Variants in EFR3B observed in about 807,000 individuals in gnomAD.
The protein encoded by EFR3B is EFR3 homolog B, also known as protein EFR3 homolog B.
EFR3B carries 64 observed loss-of-function variants against 104.7 expected under a neutral mutation model. The ratio of observed to expected loss-of-function variants is 0.61; its 90% CI spans 0.50 to 0.75. EFR3B has a LOEUF of 0.75. EFR3B is among the 30% of genes least tolerant of loss of function. The pLI is 0.00. For missense variants in EFR3B, 750 were observed against 1,078.5 expected (o/e 0.70, Z 4.27); for synonymous variants, 385 against 417.9 (o/e 0.92, Z 0.96).
At chr2:25,107,229 C>T (rs1425118362) in intron 4 of EFR3B, among the ~76,000 whole-genome samples, 5 of 152,126 alleles carry the variant, frequency 3.3e-5, no homozygotes, top group Admixed American at 2.6e-4. Flanking sequence ...GCAGATAGCC[C>T]CCAAGACCAG....
chr2:25,048,381 A>G (rs1667778340), intron 1 of EFR3B, among the ~76,000 whole-genome samples: 1 of 152,190 alleles, frequency 6.6e-6, no homozygotes, highest in African/African-American at 2.4e-5. Context: ...CCCACAAGTT[A>G]GTAAACTCCT....
intron 4 of EFR3B, among the ~76,000 whole-genome samples, chr2:25,110,678 TTAA>T (rs1669700637): frequency 6.6e-6 from 1 of 152,124 alleles, no homozygotes; most frequent in South Asian, 2.1e-4. Context: ...ATAAATTAAA[TTAA>T]TAAACAAGAG....
At position 25,042,272 on chromosome 2, in the gene EFR3B, G is replaced by T; in HGVS notation, c.-41G>T. On this transcript the variant is annotated 5_prime_UTR_variant, in exon 1 of 23. Coordinates refer to ENST00000403714, the MANE Select transcript of EFR3B (RefSeq NM_014971.2). This position sits in a 1 kb window ranked among gnomAD's most constrained non-coding sequence, Gnocchi z 5.4. ...CCGCCGAGGGCTGGCTGGGAACGCC[G>T]CAGCGACGCCGGCCTCTCGAGAGGC... The T allele has an allele frequency of 7.6e-7, 1 of 1,311,504 alleles. No homozygotes were observed. The highest frequency in any genetic ancestry group is 9.7e-7 in the Non-Finnish European group (1 of 1,030,398). The allele number at this position is 1,311,504 out of a possible 1,614,324, so 81.2% of individuals were successfully genotyped here. A position where few individuals can be genotyped will look rare whatever the true frequency, so the allele number is the denominator to read the frequency against.
rs765674736 is a variant in EFR3B, at chr2:25,065,790, G to A, written c.7+23471G>A. On this transcript the variant is annotated intron_variant, in intron 1 of 22. Transcript: ENST00000403714. ...GTCCTTGTCTCCTTTTGTGATGATG[G>A]CCTCTGCTCTGGGCTGTTCCCAGCC... is the stretch of plus-strand genomic sequence containing the variant. 6.6e-5 allele frequency among the ~76,000 whole-genome samples: 10 copies of A among 152,270 alleles called. No individual in the cohort carries two copies. In the South Asian group the frequency reaches 1.9e-3, roughly 28 times the overall value.
intron 12 of EFR3B, among the ~76,000 whole-genome samples, chr2:25,135,028 G>A (rs1046043484): frequency 3.3e-5 from 5 of 152,154 alleles, no homozygotes; most frequent in East Asian, 1.9e-4. Context: ...GGTGGTTGCC[G>A]TGTGTGTGAG....
intron 17 of EFR3B, among the ~76,000 whole-genome samples, chr2:25,141,970 A>G (rs1187453966): frequency 6.6e-6 from 1 of 152,206 alleles, no homozygotes; most frequent in Admixed American, 6.5e-5. Flanking sequence ...ATCACAGAAC[A>G]GCGGGTGGGG....
chr2:25,053,747 A>G (rs1667945320), intron 1 of EFR3B, among the ~76,000 whole-genome samples: 1 of 152,154 alleles, frequency 6.6e-6, no homozygotes, highest in Non-Finnish European at 1.5e-5. Context: ...TCTCTACTAA[A>G]AATACAAAAA....
chr2:25,061,148 C>G (rs1045394206), intron 1 of EFR3B, among the ~76,000 whole-genome samples: 62 of 145,714 alleles, frequency 4.3e-4, no homozygotes, highest in Non-Finnish European at 7.4e-4. Context: ...TTTTTTGAAA[C>G]AGTCTCACTT....
At chr2:25,141,907 T>C (rs1165111466) in intron 17 of EFR3B, among the ~76,000 whole-genome samples, 1 of 152,234 alleles carries the variant, frequency 6.6e-6, no homozygotes, top group Non-Finnish European at 1.5e-5. Context: ...GACAATGTTT[T>C]AGAAGAATAT....
chr2:25,157,368 A>T lies in EFR3B; in HGVS notation c.*3028A>T. 6.6e-6 allele frequency: 1 copy of T among 152,362 alleles called. No homozygotes were observed. The allele number at this position is 152,362 out of a possible 1,614,324, so 9.4% of individuals were successfully genotyped here. On this transcript the variant is annotated 3_prime_UTR_variant, in exon 23 of 23. Coordinates refer to ENST00000403714, the MANE Select transcript of EFR3B (RefSeq NM_014971.2). Reference sequence around the variant, plus strand: ...GTAGGTAATCTCCTCACCCCAGCACAGGCCCTGGGAGAGAGGCAAAGCAGT... The same window carrying T: ...GTAGGTAATCTCCTCACCCCAGCACTGGCCCTGGGAGAGAGGCAAAGCAGT...
At chr2:25,064,192 C>T (rs998401539) in intron 1 of EFR3B, among the ~76,000 whole-genome samples, 1 of 152,228 alleles carries the variant, frequency 6.6e-6, no homozygotes, top group Non-Finnish European at 1.5e-5. Flanking sequence ...CTGGGCATGG[C>T]GCCTGTCTTG....
chr2:25,091,310 C>A lies in EFR3B; in HGVS notation c.8-15C>A. On this transcript the variant is annotated splice_polypyrimidine_tract_variant and intron_variant, in intron 1 of 22. Coordinates refer to ENST00000403714, the MANE Select transcript of EFR3B (RefSeq NM_014971.2). ...CAGGAGGCTTTGCTCACAGTTTTTCCCATTCTTATTCCAGGTGTGTGTGGC... is the reference window on the plus strand; with the variant it reads ...CAGGAGGCTTTGCTCACAGTTTTTCACATTCTTATTCCAGGTGTGTGTGGC... 6.5e-7 allele frequency: 1 copy of A among 1,549,092 alleles called. No individual in the cohort carries two copies. The highest frequency in any genetic ancestry group is 1.2e-5 in the South Asian group (1 of 83,720).
chr2:25,055,969 C>T lies in EFR3B; in HGVS notation c.7+13650C>T, dbSNP rs1158833227. The stretch of plus-strand genomic sequence containing the variant: ...CAGCTTTGTTTTTCTAGCATCTAAC[C>T]GGGAACTTTGGTATGTAGTAGTAAG... On this transcript the variant is annotated intron_variant, in intron 1 of 22. Coordinates refer to ENST00000403714, the MANE Select transcript of EFR3B (RefSeq NM_014971.2). Among the ~76,000 whole-genome samples the T allele has an allele frequency of 3.9e-5, 6 of 152,142 alleles. No homozygotes were observed. The South Asian group carries it at 6.2e-4, about 16-fold the overall frequency.
intron 12 of EFR3B, among the ~76,000 whole-genome samples, chr2:25,135,120 C>G (rs775820348): frequency 1.7e-3 from 266 of 152,274 alleles, no homozygotes; most frequent in Non-Finnish European, 2.8e-3. Flanking sequence ...GCATTGTGTT[C>G]CTGGTGGCTG....
At chr2:25,094,155 T>C (rs954293603) in intron 3 of EFR3B, among the ~76,000 whole-genome samples, 1 of 151,528 alleles carries the variant, frequency 6.6e-6, no homozygotes, top group Non-Finnish European at 1.5e-5. Flanking sequence ...CGTGGTGGTA[T>C]GCACCTGTAG....
Position 25,057,777 on chromosome 2 carries a change from C to G in EFR3B, c.7+15458C>G, listed in dbSNP as rs919391614. On this transcript the variant is annotated intron_variant, in intron 1 of 22. Coordinates refer to ENST00000403714, the MANE Select transcript of EFR3B (RefSeq NM_014971.2). ...TCCATCCTGAGCAACAAGAGCAAAA[C>G]TCCGTCAAAAAAAAAAAAAAAGACC... 2.7e-3 allele frequency among the ~76,000 whole-genome samples: 219 copies of G among 82,096 alleles called. 1 individual carries two copies. The highest frequency in any genetic ancestry group is 9.8e-3 in the African/African-American group (187 of 18,994). The allele number at this position is 82,096 out of a possible 152,430, so 53.9% of individuals were successfully genotyped here.
rs570544127 is a variant in EFR3B at position 25,067,050 on chromosome 2, G to T, written c.8-24275G>T. ...GTAATACTTCTGCAATGATGTCAGT[G>T]CTCTGTGTCTCCACTGTCCAGTGTG... On this transcript the variant is annotated intron_variant, in intron 1 of 22. Coordinates refer to ENST00000403714, the MANE Select transcript of EFR3B (RefSeq NM_014971.2). 2.6e-5 allele frequency among the ~76,000 whole-genome samples: 4 copies of T among 152,296 alleles called. No homozygotes were observed. The South Asian group carries it at 8.3e-4, about 32-fold the overall frequency.
intron 1 of EFR3B, among the ~76,000 whole-genome samples, chr2:25,066,893 T>C (rs1668350773): frequency 6.6e-6 from 1 of 152,242 alleles, no homozygotes; most frequent in Admixed American, 6.5e-5. Flanking sequence ...TACATGTGTG[T>C]GCGTGTGTGC....
In EFR3B at chr2:25,131,964, AG is replaced by A; in HGVS notation, c.1147+57del. Reference sequence around the variant, plus strand: ...GGCGGGGCCGAGGCGCGGAGTGGGGAGGGGAGGGGAGGGACGGGACGGGGCC... The same window carrying A: ...GGCGGGGCCGAGGCGCGGAGTGGGGAGGGAGGGGAGGGACGGGACGGGGCC... On this transcript the variant is annotated intron_variant, in intron 10 of 22. Coordinates refer to ENST00000403714, the MANE Select transcript of EFR3B (RefSeq NM_014971.2). This position sits in a 1 kb window ranked among gnomAD's most constrained non-coding sequence, Gnocchi z 7.6. The A allele has an allele frequency of 3.3e-5, 1 of 30,084 alleles. No individual in the cohort carries two copies. Among genetic ancestry groups the A allele is most frequent in the Non-Finnish European group, 6.2e-5 (1 of 16,116 alleles). 1.9% of individuals were successfully genotyped at this position (30,084 alleles called of 1,614,324 possible). A position where few individuals can be genotyped will look rare whatever the true frequency, so the allele number is the denominator to read the frequency against.
Sources: allele counts gnomAD v4.1 joint callset (sites outside exome capture counted in the v4.1 genomes callset), GRCh38; gene constraint gnomAD v4.1.1; non-coding constraint Gnocchi (gnomAD v3.1); transcripts MANE v1.5; gene names NCBI Gene and HGNC (gene_info 2026-07-23, HGNC 2026-07-21).